The following PCDH19 variants were observed in gnomAD, a reference collection of about 807,000 sequenced individuals.
The protein encoded by PCDH19 is protocadherin 19, also known as protocadherin-19.
Under a neutral mutation model 46.2 loss-of-function variants are expected in PCDH19, and 6 were observed. The ratio of observed to expected loss-of-function variants is 0.13; its 90% CI spans 0.07 to 0.26. The LOEUF (loss-of-function observed/expected upper bound fraction) is 0.26. Among genes scored for constraint, PCDH19 ranks in the 10% least tolerant of loss-of-function variants. The pLI, the probability that PCDH19 is intolerant of heterozygous loss-of-function variation, is 1.00. For synonymous variants in PCDH19, 481 were observed against 415.7 expected (o/e 1.16, Z -1.91); for missense variants, 740 against 972.3 (o/e 0.76, Z 3.18).
intron 5 of PCDH19, among the ~76,000 whole-genome samples, chrX:100,325,064 C>A (rs1255078883): frequency 3.7e-5 from 4 of 109,574 alleles, no homozygotes; most frequent in Non-Finnish European, 7.6e-5. Flanking sequence ...AAAACAAAAA[C>A]CAAAAACCGG....
chrX:100,380,574 A>C (rs1162544870), intron 3 of PCDH19, among the ~76,000 whole-genome samples: 1 of 111,769 alleles, frequency 8.9e-6, no homozygotes, highest in Non-Finnish European at 1.9e-5. Flanking sequence ...ATAGTAAAGC[A>C]AACTAAACTA....
chrX:100,396,952 A>G (rs1928042786), intron 3 of PCDH19, among the ~76,000 whole-genome samples: 1 of 112,256 alleles, frequency 8.9e-6, no homozygotes, highest in Non-Finnish European at 1.9e-5. Flanking sequence ...TAGGACTTAA[A>G]TGATTCCAAG....
chrX:100,351,846 T>A (rs1466859488), intron 3 of PCDH19, among the ~76,000 whole-genome samples: 1 of 111,714 alleles, frequency 9.0e-6, no homozygotes, highest in African/African-American at 3.3e-5. Context: ...AGCTCACAGT[T>A]TGATGGAGAA....
At position 100,294,299 on chromosome X, in the gene PCDH19, G is replaced by A. The variant is rs1282923537; in HGVS notation, c.*1978C>T. 8.9e-6 allele frequency: 1 copy of A among 111,791 alleles called. No individual in the cohort carries two copies. Among genetic ancestry groups the A allele is most frequent in the Non-Finnish European group, 1.9e-5 (1 of 53,081 alleles). The allele number at this position is 111,791 out of a possible 1,213,427, so 9.2% of individuals were successfully genotyped here. A position where few individuals can be genotyped will look rare whatever the true frequency, so the allele number is the denominator to read the frequency against. On this transcript the variant is annotated 3_prime_UTR_variant, in exon 6 of 6. Coordinates refer to ENST00000373034, the MANE Select transcript of PCDH19 (RefSeq NM_001184880.2). Reference sequence around the variant, plus strand: ...CATCCTTAATTGTGTCAGCTTCAGAGGGAAATTTGCAGCCACACCAATATT... The same window carrying A: ...CATCCTTAATTGTGTCAGCTTCAGAAGGAAATTTGCAGCCACACCAATATT...
intron 3 of PCDH19, among the ~76,000 whole-genome samples, chrX:100,355,868 G>C (rs2147496616): frequency 9.0e-6 from 1 of 111,264 alleles, no homozygotes. Context: ...CAAGGTACCA[G>C]AGAATGCCCT....
intron 3 of PCDH19, among the ~76,000 whole-genome samples, chrX:100,385,134 G>C (rs777790165): frequency 1.0e-3 from 107 of 103,498 alleles, no homozygotes; most frequent in African/African-American, 3.8e-3. Context: ...ACTCAGACCT[G>C]GGCGACAGAG....
chrX:100,311,791 G>T (rs1027236058), intron 5 of PCDH19, among the ~76,000 whole-genome samples: 2 of 110,299 alleles, frequency 1.8e-5, no homozygotes, highest in Non-Finnish European at 3.8e-5. Flanking sequence ...ACCTGGGATG[G>T]ACTATTCATT....
rs1168179653 is a variant in PCDH19, at chrX:100,294,911, G to A, written c.*1366C>T. 3.6e-5 allele frequency: 4 copies of A among 112,309 alleles called. No individual in the cohort carries two copies. Among genetic ancestry groups the A allele is most frequent in the Non-Finnish European group, 7.5e-5 (4 of 53,164 alleles). 9.3% of individuals were successfully genotyped at this position (112,309 alleles called of 1,213,427 possible). A position where few individuals can be genotyped will look rare whatever the true frequency, so the allele number is the denominator to read the frequency against. ...TACAGCAAAAAGAGTTGGCTAAATC[G>A]AAAGGATTTTTATTTTAGTATTTTC... On this transcript the variant is annotated 3_prime_UTR_variant, in exon 6 of 6. Transcript: ENST00000373034.
intron 5 of PCDH19, among the ~76,000 whole-genome samples, chrX:100,318,161 G>T (rs1925367642): frequency 9.0e-6 from 1 of 111,727 alleles, no homozygotes; most frequent in Non-Finnish European, 1.9e-5. Flanking sequence ...AAGACTATGG[G>T]CTCTGGAGCG....
chrX:100,299,683 A>G, intron 5 of PCDH19, among the ~76,000 whole-genome samples: 1 of 111,978 alleles, frequency 8.9e-6, no homozygotes, highest in East Asian at 2.8e-4. Flanking sequence ...TAAATGAAAC[A>G]ATCACTGTTG....
At chrX:100,392,725 G>A (rs1927896982) in intron 3 of PCDH19, among the ~76,000 whole-genome samples, 1 of 111,748 alleles carries the variant, frequency 8.9e-6, no homozygotes, top group Non-Finnish European at 1.9e-5. Flanking sequence ...CTTCCAACAA[G>A]CCGTTCACCA....
chrX:100,367,727 T>G (rs1927107483), intron 3 of PCDH19, among the ~76,000 whole-genome samples: 1 of 111,542 alleles, frequency 9.0e-6, no homozygotes, highest in Non-Finnish European at 1.9e-5. Flanking sequence ...ACATTGGGTC[T>G]TAGGTCCCCA....
chrX:100,331,804 C>T (rs745711813), intron 5 of PCDH19, among the ~76,000 whole-genome samples: 39 of 110,868 alleles, frequency 3.5e-4, no homozygotes, highest in Middle Eastern at 4.6e-3. Flanking sequence ...CCTTCTGCCA[C>T]GACTGTAAGT....
chrX:100,348,452 C>A (rs1287013070), intron 4 of PCDH19, among the ~76,000 whole-genome samples: 1 of 111,962 alleles, frequency 8.9e-6, no homozygotes, highest in East Asian at 2.8e-4. Flanking sequence ...ATTGACCACA[C>A]AAATTCAAGG....
intron 5 of PCDH19, among the ~76,000 whole-genome samples, chrX:100,338,496 T>G (rs1926163872): frequency 1.1e-5 from 1 of 93,892 alleles, no homozygotes; most frequent in South Asian, 5.5e-4. Flanking sequence ...CACTCCAGCC[T>G]GGGTGACAGA....
chrX:100,406,460 T>C lies in PCDH19; in HGVS notation c.2138A>G (p.Tyr713Cys). 2.5e-6 allele frequency: 3 copies of C among 1,199,665 alleles called. No homozygotes were observed. Among genetic ancestry groups the C allele is most frequent in the Non-Finnish European group, 3.4e-6 (3 of 887,180 alleles). The change falls in exon 1 of 6, where the codon TAC becomes TGC. Residue 713 changes from tyrosine to cysteine, a missense_variant. This residue lies in a region of PCDH19 where 416 missense variants were observed against 476.8 expected (regional missense o/e 0.87). Coordinates refer to ENST00000373034, the MANE Select transcript of PCDH19 (RefSeq NM_001184880.2). ...CKRDNKEIRT[Y>C]NCSNCLTITC... Reference sequence around the variant, plus strand: ...GAAAACTTGGCTTTACCTGCAGTTGTAGGTCCGGATCTCTTTGTTGTCTCG... The same window carrying C: ...GAAAACTTGGCTTTACCTGCAGTTGCAGGTCCGGATCTCTTTGTTGTCTCG...
intron 3 of PCDH19, among the ~76,000 whole-genome samples, chrX:100,385,159 CAAAA>C (rs1186942086): frequency 5.2e-5 from 2 of 38,487 alleles, no homozygotes; most frequent in African/African-American, 1.0e-4. Flanking sequence ...ACTCTGTCTC[CAAAA>C]AAAAAAAAAA....
At chrX:100,376,996 A>T (rs1327145584) in intron 3 of PCDH19, among the ~76,000 whole-genome samples, 1 of 112,337 alleles carries the variant, frequency 8.9e-6, no homozygotes, top group African/African-American at 3.2e-5. Context: ...GGTGAATAAA[A>T]TTGCACAGTA....
chrX:100,382,363 C>A lies in PCDH19; in HGVS notation c.2616+20161G>T, dbSNP rs1034555369. Among the ~76,000 whole-genome samples the A allele has an allele frequency of 5.4e-5, 6 of 111,859 alleles. No individual in the cohort carries two copies. In the Admixed American group the frequency reaches 5.7e-4, roughly 11 times the overall value. On this transcript the variant is annotated intron_variant, in intron 3 of 5. Transcript: ENST00000373034. ...AATTGAGAAAAGAGTATAAAATATT[C>A]TTGGATAAGAGATACAAGAAGCTGG...
Sources: allele counts gnomAD v4.1 joint callset (sites outside exome capture counted in the v4.1 genomes callset), GRCh38; gene constraint gnomAD v4.1.1; regional missense constraint gnomAD v4.1.1; transcripts MANE v1.5; gene names NCBI Gene and HGNC (gene_info 2026-07-23, HGNC 2026-07-21).